Variants in WDFY3 observed in about 807,000 individuals in gnomAD.
WDFY3 encodes WD repeat and FYVE domain containing 3.
Under a neutral mutation model 409.6 loss-of-function variants are expected in WDFY3, and 66 were observed. That is an observed-to-expected ratio of 0.16 (90% CI 0.13 to 0.20). The LOEUF (loss-of-function observed/expected upper bound fraction) is 0.20. Among genes scored for constraint, WDFY3 ranks in the 10% least tolerant of loss-of-function variants. The probability of loss-of-function intolerance (pLI) is 1.00; values close to 1 mark genes in which losing one functional copy is unlikely to be tolerated. For synonymous variants in WDFY3, 1,521 were observed against 1,537.1 expected (o/e 0.99, Z 0.25); for missense variants, 3,031 against 4,298.1 (o/e 0.71, Z 8.24).
intron 3 of WDFY3, among the ~76,000 whole-genome samples, chr4:84,869,112 C>T (rs1560965847): frequency 2.0e-5 from 3 of 152,148 alleles, no homozygotes; most frequent in African/African-American, 7.2e-5. Context: ...AGGCACAGTA[C>T]AGGGAGAGTG....
intron 32 of WDFY3, among the ~76,000 whole-genome samples, chr4:84,761,458 A>T (rs1742578787): frequency 6.6e-6 from 1 of 151,988 alleles, no homozygotes; most frequent in South Asian, 2.1e-4. Flanking sequence ...TTTGTAGGTC[A>T]CTCAGGACTT....
chr4:84,703,021 C>T (rs1210899437), intron 55 of WDFY3, among the ~76,000 whole-genome samples: 1 of 151,590 alleles, frequency 6.6e-6, no homozygotes, highest in African/African-American at 2.4e-5. Context: ...GCATGAACCC[C>T]AGGGGGCGGA....
Position 84,794,685 on chromosome 4 carries a change from A to G in WDFY3, c.3321T>C (p.Cys1107=). ...TTGGAGGAGAACTAAAATGTTCAAT[A>G]CAAAACCAGCTAGAGTAACTTAAGC... The part of the protein sequence containing the change: ...PSGLSYSSWF[C]IEHFSSPPNN... Residue 1107 remains cysteine, a synonymous_variant, in exon 21 of 68, where the codon TGT becomes TGC. Transcript: ENST00000295888. 6.2e-7 allele frequency: 1 copy of G among 1,614,064 alleles called. No individual in the cohort carries two copies. Among genetic ancestry groups the G allele is most frequent in the Non-Finnish European group, 8.5e-7 (1 of 1,179,994 alleles).
chr4:84,698,054 C>A (rs563355089), intron 56 of WDFY3, among the ~76,000 whole-genome samples: 1 of 152,080 alleles, frequency 6.6e-6, no homozygotes, highest in African/African-American at 2.4e-5. Flanking sequence ...ACACACTGCA[C>A]GCTGTCTGTT....
chr4:84,949,174 C>A (rs906677406), intron 1 of WDFY3, among the ~76,000 whole-genome samples: 1 of 152,138 alleles, frequency 6.6e-6, no homozygotes, highest in South Asian at 2.1e-4. Context: ...GCCATGTGCT[C>A]CCATATCACA....
intron 1 of WDFY3, among the ~76,000 whole-genome samples, chr4:84,937,977 A>G (rs1306763438): frequency 6.6e-6 from 1 of 152,136 alleles, no homozygotes; most frequent in Non-Finnish European, 1.5e-5. Flanking sequence ...TAATTTATAA[A>G]TTAGGCATAG....
At chr4:84,721,212 T>G (rs1027836101) in intron 47 of WDFY3, among the ~76,000 whole-genome samples, 197 bp downstream of exon 47, 2 of 152,214 alleles carry the variant, frequency 1.3e-5, no homozygotes. Flanking sequence ...TAAAATCTTA[T>G]GCTGTTTAAT....
chr4:84,682,607 A>G (rs1425630676), intron 63 of WDFY3, 137 bp from the exon 64 acceptor site: 7 of 716,984 alleles, frequency 9.8e-6, no homozygotes, highest in Non-Finnish European at 1.6e-5. Flanking sequence ...GATTTCCCGT[A>G]TCTTGGAAGA....
chr4:84,698,292 T>TATA (rs1269608742), intron 56 of WDFY3, among the ~76,000 whole-genome samples: 3,598 of 120,602 alleles, frequency 0.03, 133 homozygotes, highest in African/African-American at 0.096. Context: ...ATATATATAT[T>TATA]TTTTTTTTTT....
At chr4:84,891,106 A>T (rs755881690) in intron 3 of WDFY3, among the ~76,000 whole-genome samples, 32 of 152,160 alleles carry the variant, frequency 2.1e-4, no homozygotes, top group Non-Finnish European at 3.8e-4. Context: ...GCCACCCTAC[A>T]ACAGTCTCCT....
chr4:84,876,164 G>A (rs1349478611), intron 3 of WDFY3, among the ~76,000 whole-genome samples: 1 of 152,044 alleles, frequency 6.6e-6, no homozygotes, highest in Admixed American at 6.6e-5. Context: ...TTTGTGCTAC[G>A]GTATTACAAC....
At chr4:84,916,039 G>T (rs1283107987) in intron 2 of WDFY3, among the ~76,000 whole-genome samples, 4 of 151,982 alleles carry the variant, frequency 2.6e-5, no homozygotes, top group African/African-American at 9.7e-5. Flanking sequence ...TATATTTAGG[G>T]GTAAGTATTA....
Position 84,733,270 on chromosome 4 carries a change from G to A in WDFY3, c.7221+112C>T, listed in dbSNP as rs1736905710. On this transcript the variant is annotated intron_variant, in intron 44 of 67. Coordinates refer to ENST00000295888, the MANE Select transcript of WDFY3 (RefSeq NM_014991.6). ...AGTTATCAATTTAATAGCGTATGTTGAATTTTTAAAATTAGCTATTTGAGG... is the reference window on the plus strand; with the variant it reads ...AGTTATCAATTTAATAGCGTATGTTAAATTTTTAAAATTAGCTATTTGAGG... 8 of 1,224,138 alleles carry A rather than the reference G, an allele frequency of 6.5e-6. No homozygotes were observed. In the East Asian group the frequency reaches 1.9e-4, roughly 29 times the overall value. 75.8% of individuals were successfully genotyped at this position (1,224,138 alleles called of 1,614,324 possible). A position where few individuals can be genotyped will look rare whatever the true frequency, so the allele number is the denominator to read the frequency against.
intron 53 of WDFY3, among the ~76,000 whole-genome samples, chr4:84,707,330 C>T (rs1732139700): frequency 6.6e-6 from 1 of 152,050 alleles, no homozygotes; most frequent in Non-Finnish European, 1.5e-5. Context: ...AGCATTAAGC[C>T]CAGTTAGGAG....
At chr4:84,741,696 A>C in intron 38 of WDFY3, 65 bp downstream of exon 38, 1 of 1,456,066 alleles carries the variant, frequency 6.9e-7, no homozygotes, top group Non-Finnish European at 9.2e-7. Flanking sequence ...TAATTTCAAC[A>C]ATTTTGACAC....
At chr4:84,702,965 G>A (rs1731297025) in intron 55 of WDFY3, among the ~76,000 whole-genome samples, 2 of 151,962 alleles carry the variant, frequency 1.3e-5, no homozygotes, top group Admixed American at 6.6e-5. Context: ...GCGAGGTGGC[G>A]GGCGCCTGTA....
At chr4:84,916,277 A>G (rs1226569461) in intron 2 of WDFY3, among the ~76,000 whole-genome samples, 1 of 152,192 alleles carries the variant, frequency 6.6e-6, no homozygotes. Flanking sequence ...ATACAGTTCT[A>G]TGCAGCAACA....
At chr4:84,717,441 C>T (rs1421636751) in intron 48 of WDFY3, among the ~76,000 whole-genome samples, 1 of 152,148 alleles carries the variant, frequency 6.6e-6, no homozygotes, top group African/African-American at 2.4e-5. Context: ...AAAGGACCCA[C>T]GAAAGACTTC....
At chr4:84,932,685 C>T (rs1357643030) in intron 1 of WDFY3, among the ~76,000 whole-genome samples, 2 of 152,160 alleles carry the variant, frequency 1.3e-5, no homozygotes, top group African/African-American at 4.8e-5. Context: ...GAACTCAACC[C>T]TTACCACTTC....
Sources: allele counts gnomAD v4.1 joint callset (sites outside exome capture counted in the v4.1 genomes callset), GRCh38; gene constraint gnomAD v4.1.1; transcripts MANE v1.5; gene names NCBI Gene and HGNC (gene_info 2026-07-23, HGNC 2026-07-21).